The following IPCEF1 variants were observed in gnomAD, a reference collection of about 807,000 sequenced individuals.
IPCEF1 encodes the protein interaction protein for cytohesin exchange factors 1.
IPCEF1 carries 31 observed loss-of-function variants against 50.9 expected under a neutral mutation model. The observed-to-expected ratio is 0.61, with a 90% CI of 0.46 to 0.82. The LOEUF (loss-of-function observed/expected upper bound fraction) is 0.82, where lower values mean the gene tolerates loss of function less well. Ranked by LOEUF, IPCEF1 falls within the 40% of genes least tolerant of loss-of-function variation. The pLI, the probability that IPCEF1 is intolerant of heterozygous loss-of-function variation, is 0.00. For synonymous variants in IPCEF1, 181 were observed against 192.0 expected (o/e 0.94, Z 0.47); for missense variants, 458 against 514.0 (o/e 0.89, Z 1.05).
At chr6:154,234,313 T>C (rs1779948107) in intron 5 of IPCEF1, among the ~76,000 whole-genome samples, 1 of 152,184 alleles carries the variant, frequency 6.6e-6, no homozygotes, top group Non-Finnish European at 1.5e-5. Context: ...AGGATGAAGC[T>C]TTGGTTACCC....
At chr6:154,191,898 C>T (rs899428868) in intron 10 of IPCEF1, among the ~76,000 whole-genome samples, 1 of 151,898 alleles carries the variant, frequency 6.6e-6, no homozygotes, top group African/African-American at 2.4e-5. Context: ...AAAAAGTGCT[C>T]TACAAAGTTA....
At position 154,341,420 on chromosome 6, in the gene IPCEF1, T is replaced by A. The variant is rs185755595; in HGVS notation, c.-62+15252A>T. The stretch of plus-strand genomic sequence containing the variant: ...TGGGGCTTGAAGCCTACAGAAGGGA[T>A]CATTTGGGGATGGAGGTTATGATTG... On this transcript the variant is annotated intron_variant, in intron 1 of 11. Transcript: ENST00000367220. Among the ~76,000 whole-genome samples, 538 of 152,256 alleles carry A rather than the reference T, an allele frequency of 3.5e-3. 3 individuals carry two copies. Among genetic ancestry groups the A allele is most frequent in the African/African-American group, 0.012 (514 of 41,560 alleles).
intron 2 of IPCEF1, among the ~76,000 whole-genome samples, chr6:154,286,663 G>C (rs974427609): frequency 2.6e-5 from 4 of 152,234 alleles, no homozygotes; most frequent in Non-Finnish European, 4.4e-5. Flanking sequence ...AGAGGTGGAG[G>C]CTGTAAAATG....
At chr6:154,267,992 G>T (rs879580007) in intron 2 of IPCEF1, among the ~76,000 whole-genome samples, 2 of 152,216 alleles carry the variant, frequency 1.3e-5, no homozygotes, top group African/African-American at 4.8e-5. Context: ...GGCCCAGAAA[G>T]GCACCACAAG....
intron 1 of IPCEF1, among the ~76,000 whole-genome samples, chr6:154,318,050 C>T (rs1170991881): frequency 1.3e-5 from 2 of 152,084 alleles, no homozygotes; most frequent in African/African-American, 2.4e-5. Flanking sequence ...ATAGATTAAT[C>T]TCACACACAT....
At chr6:154,343,385 A>G (rs537721555) in intron 1 of IPCEF1, among the ~76,000 whole-genome samples, 1 of 152,368 alleles carries the variant, frequency 6.6e-6, no homozygotes, top group South Asian at 2.1e-4. Context: ...TGGAAAGAAG[A>G]TGTTAAAAGA....
chr6:154,290,145 C>T (rs1486396737), intron 1 of IPCEF1, among the ~76,000 whole-genome samples: 1 of 152,000 alleles, frequency 6.6e-6, no homozygotes, highest in Non-Finnish European at 1.5e-5. Flanking sequence ...CAGGAGATGG[C>T]GAATGGGCCC....
intron 10 of IPCEF1, among the ~76,000 whole-genome samples, chr6:154,187,493 C>A (rs983913586): frequency 1.3e-5 from 2 of 152,232 alleles, no homozygotes; most frequent in Non-Finnish European, 2.9e-5. Context: ...GGAGTTCCCA[C>A]ACCCAGAGAT....
At chr6:154,254,871 G>T (rs985077658) in intron 3 of IPCEF1, among the ~76,000 whole-genome samples, 1 of 151,702 alleles carries the variant, frequency 6.6e-6, no homozygotes, top group African/African-American at 2.4e-5. Flanking sequence ...TTATTTTGCG[G>T]TTTTGGTTTC....
Position 154,157,612 on chromosome 6 carries a change from A to C in IPCEF1, c.*2216T>G, listed in dbSNP as rs1798768531. On this transcript the variant is annotated 3_prime_UTR_variant, in exon 12 of 12. Coordinates refer to ENST00000367220, the MANE Select transcript of IPCEF1 (RefSeq NM_001130700.2). ...ACGAAAAGCCAAAGGAAAGCATTCA[A>C]AGCTATTCACAAACCCTGCTCAAAA... 6.6e-6 allele frequency: 1 copy of C among 152,256 alleles called. No homozygotes were observed. The highest frequency in any genetic ancestry group is 1.5e-5 in the Non-Finnish European group (1 of 68,048). 9.4% of individuals were successfully genotyped at this position (152,256 alleles called of 1,614,324 possible). A position where few individuals can be genotyped will look rare whatever the true frequency, so the allele number is the denominator to read the frequency against.
chr6:154,214,268 T>G lies in IPCEF1; in HGVS notation c.401A>C (p.Asn134Thr). ...ATGGATTACAGCCGATCCAAGTTTA[T>G]TTAACCACCTAAAATTCAAATAGAA... ...ENVQEMNVWLNKLGSAVIHQE... is the reference protein window; with the variant it reads ...ENVQEMNVWLTKLGSAVIHQE... The change falls in exon 8 of 12, where the codon AAT (asparagine) becomes ACT (threonine). Residue 134 changes from asparagine (N) to threonine (T), a missense_variant. Transcript: ENST00000367220. The G allele has an allele frequency of 6.2e-7, 1 of 1,608,168 alleles. No homozygotes were observed. Among genetic ancestry groups the G allele is most frequent in the Non-Finnish European group, 8.5e-7 (1 of 1,174,554 alleles).
chr6:154,260,442 A>G (rs968253749), intron 3 of IPCEF1, among the ~76,000 whole-genome samples: 3 of 151,682 alleles, frequency 2.0e-5, no homozygotes, highest in African/African-American at 7.3e-5. Context: ...CTTTAGTTGA[A>G]CAGCGTTACT....
At chr6:154,281,426 T>C (rs796433914) in intron 2 of IPCEF1, among the ~76,000 whole-genome samples, 3 of 151,974 alleles carry the variant, frequency 2.0e-5, no homozygotes, top group African/African-American at 4.8e-5. Flanking sequence ...ACTTAGGAGG[T>C]TGAGATGGAG....
At chr6:154,295,308 G>A (rs1032896602) in intron 1 of IPCEF1, among the ~76,000 whole-genome samples, 2 of 152,202 alleles carry the variant, frequency 1.3e-5, no homozygotes, top group Non-Finnish European at 2.9e-5. Context: ...CAGCAACCCC[G>A]TGAAGGTGGT....
chr6:154,209,663 T>C (rs1398195571), intron 9 of IPCEF1, among the ~76,000 whole-genome samples: 1 of 150,282 alleles, frequency 6.7e-6, no homozygotes, highest in African/African-American at 2.4e-5. Flanking sequence ...AAAAAAAAAG[T>C]TACTATATAT....
chr6:154,260,989 G>A (rs1781585179), intron 3 of IPCEF1, among the ~76,000 whole-genome samples: 1 of 152,126 alleles, frequency 6.6e-6, no homozygotes, highest in Non-Finnish European at 1.5e-5. Context: ...GCCAAATCTA[G>A]TAACTATATT....
chr6:154,214,089 T>C, intron 8 of IPCEF1, 129 bp downstream of exon 8: 1 of 682,348 alleles, frequency 1.5e-6, no homozygotes, highest in Non-Finnish European at 2.7e-6. Flanking sequence ...TATTTTCAGA[T>C]CATCTTAAAT....
intron 3 of IPCEF1, chr6:154,247,789 C>T (rs952039496): frequency 6.6e-6 from 2 of 302,122 alleles, no homozygotes; most frequent in Admixed American, 1.0e-4. Context: ...ACAGTGTTCA[C>T]GGAAGTTTTA....
At chr6:154,223,522 C>G (rs1300000723) in intron 5 of IPCEF1, among the ~76,000 whole-genome samples, 1 of 150,004 alleles carries the variant, frequency 6.7e-6, no homozygotes, top group Non-Finnish European at 1.5e-5. Flanking sequence ...CCTGTCTCCA[C>G]CGGCCTCCTG....
Sources: gnomAD v4.1 joint callset for allele counts (sites outside exome capture counted in the v4.1 genomes callset) on GRCh38, gnomAD v4.1.1 for gene constraint, MANE v1.5 for transcripts, NCBI Gene and HGNC (gene_info 2026-07-23, HGNC 2026-07-21) for gene names.